The following APC variants were observed in gnomAD, a reference collection of about 807,000 sequenced individuals.
The protein encoded by APC is adenomatous polyposis coli protein.
APC carries 72 observed loss-of-function variants against 247.0 expected under a neutral mutation model. The ratio of observed to expected loss-of-function variants is 0.29; its 90% CI spans 0.24 to 0.35. APC has a LOEUF of 0.35. Among genes scored for constraint, APC ranks in the 10% least tolerant of loss-of-function variants. APC has a pLI of 1.00. For synonymous variants in APC, 1,254 were observed against 1,162.5 expected, an observed-to-expected ratio of 1.08 and a Z score of -1.60; for missense variants, 3,400 against 3,360.7, an observed-to-expected ratio of 1.01 and a Z score of -0.29.
At chr5:112,717,896 C>CTTTTTTTTTTTTTT (rs1751260001) in intron 1 of APC, among the ~76,000 whole-genome samples, 1 of 18,530 alleles carries the variant, frequency 5.4e-5, no homozygotes, top group African/African-American at 1.5e-4. Flanking sequence ...TTTTCTTTTT[C>CTTTTTTTTTTTTTT]TTTTTCTTTT....
Position 112,767,193 on chromosome 5 carries a change from T to C in APC, c.225T>C (p.Leu75=), listed in dbSNP as rs1756428442. Residue 75 remains leucine (L), a synonymous_variant, in exon 4 of 16, where the codon CTT becomes CTC. Coordinates refer to ENST00000257430, the MANE Select transcript of APC (RefSeq NM_000038.6). ...ACTTGTTTCTATTTTATTTAGAGCTTAACTTAGATAGCAGTAATTTCCCTG... is the reference window on the plus strand; with the variant it reads ...ACTTGTTTCTATTTTATTTAGAGCTCAACTTAGATAGCAGTAATTTCCCTG... The part of the protein sequence containing the change: ...QIDLLERLKE[L]NLDSSNFPGV... 1 of 1,613,356 alleles carries C rather than the reference T, an allele frequency of 6.2e-7. No homozygotes were observed.
chr5:112,832,458 C>G lies in APC; in HGVS notation c.1744-2493C>G, dbSNP rs34950096. Among the ~76,000 whole-genome samples the G allele has an allele frequency of 5.8e-3, 882 of 152,296 alleles. 6 individuals are homozygous for G. Among genetic ancestry groups the G allele is most frequent in the Middle Eastern group, 0.01 (3 of 294 alleles). The stretch of plus-strand genomic sequence containing the variant: ...GTGACAAATTATGTCTAAACCTGCT[C>G]CTAGATTGTTTTGTTCACTTAATTT... On this transcript the variant is annotated intron_variant, in intron 14 of 15. Transcript: ENST00000257430.
upstream of APC, among the ~76,000 whole-genome samples, chr5:112,736,926 A>C (rs1283516714): frequency 1.3e-5 from 2 of 152,186 alleles, no homozygotes; most frequent in African/African-American, 4.8e-5. Flanking sequence ...ACAAACAAAG[A>C]AAACTTGAAG....
At chr5:112,819,580 A>G (rs1762910138) in intron 10 of APC, among the ~76,000 whole-genome samples, 1 of 152,202 alleles carries the variant, frequency 6.6e-6, no homozygotes, top group South Asian at 2.1e-4. Context: ...AATTTATACA[A>G]TCATAGCATA....
intron 7 of APC, among the ~76,000 whole-genome samples, chr5:112,793,403 T>G (rs1759860408): frequency 6.6e-6 from 1 of 152,070 alleles, no homozygotes; most frequent in Non-Finnish European, 1.5e-5. Context: ...ATAAGGAATG[T>G]GACTAACCCT....
rs1331549900 is a variant in APC at position 112,838,091 on chromosome 5, A to C, written c.2497A>C (p.Ser833Arg). The C allele has an allele frequency of 8.7e-6, 14 of 1,614,082 alleles. No individual in the cohort carries two copies. Among genetic ancestry groups the C allele is most frequent in the African/African-American group, 1.3e-5 (1 of 74,930 alleles). ...ATATTTGAATACTACAGTGTTACCC[A>C]GCTCCTCTTCATCAAGAGGAAGCTT... The part of the protein sequence containing the change: ...SPYLNTTVLP[S>R]SSSSRGSLDS... The change falls in exon 16 of 16, where the codon AGC becomes CGC. Residue 833 changes from serine to arginine, a missense_variant. By Grantham distance (110) the Ser-to-Arg change is moderately radical. Transcript: ENST00000257430.
chr5:112,767,164 A>G lies in APC; in HGVS notation c.221-25A>G, dbSNP rs1334890942. ...AGACTGCTTAAAGCAATTGTTGTAT[A>G]AAAACTTGTTTCTATTTTATTTAGA... is the stretch of plus-strand genomic sequence containing the variant. On this transcript the variant is annotated intron_variant, in intron 3 of 15. Transcript: ENST00000257430. The G allele has an allele frequency of 3.8e-6, 6 of 1,572,646 alleles. No homozygotes were observed. The South Asian group carries it at 4.4e-5, about 12-fold the overall frequency.
rs863225321 is a variant in APC, at chr5:112,837,552, G to C, written c.1959-1G>C. The C allele has an allele frequency of 6.2e-7, 1 of 1,610,742 alleles. No individual in the cohort carries two copies. Among genetic ancestry groups the C allele is most frequent in the Non-Finnish European group, 8.5e-7 (1 of 1,177,298 alleles). ...TTTGTGATCTCTTGATTTTATTTCA[G>C]GCAAATCCTAAGAGAGAACAACTGT... On this transcript the variant is annotated splice_acceptor_variant, in intron 15 of 15. Coordinates refer to ENST00000257430, the MANE Select transcript of APC (RefSeq NM_000038.6). LOFTEE classifies it high-confidence loss of function.
chr5:112,751,002 A>G (rs1397459505), intron 1 of APC, among the ~76,000 whole-genome samples: 1 of 152,092 alleles, frequency 6.6e-6, no homozygotes, highest in Non-Finnish European at 1.5e-5. Flanking sequence ...CTTTAATCAT[A>G]TACTGAATTT....
rs369365383 is a variant in APC, at chr5:112,843,029, G to C, written c.7435G>C (p.Ala2479Pro). 3 of 1,613,796 alleles carry C rather than the reference G, an allele frequency of 1.9e-6. No individual in the cohort carries two copies. The highest frequency in any genetic ancestry group is 2.5e-6 in the Non-Finnish European group (3 of 1,179,764). Residue 2479 changes from alanine to proline, a missense_variant, in exon 16 of 16, where the codon GCA becomes CCA. Coordinates refer to ENST00000257430, the MANE Select transcript of APC (RefSeq NM_000038.6). This position sits in a 1 kb window ranked among gnomAD's most constrained non-coding sequence, Gnocchi z 4.8. ...ACCAGCTTCTCCCACTAGGTCCCAG[G>C]CACAAACTCCAGTTTTAAGTCCTTC... ...SRPASPTRSQ[A>P]QTPVLSPSLP... is the part of the protein sequence containing the mutation.
At chr5:112,768,831 C>T (rs1372396237) in intron 4 of APC, among the ~76,000 whole-genome samples, 3 of 151,360 alleles carry the variant, frequency 2.0e-5, no homozygotes, top group Admixed American at 6.6e-5. Context: ...GCGTAGAACA[C>T]AGTCCTGTAC....
At chr5:112,708,462 A>AT (rs1750661888) in intron 1 of APC, among the ~76,000 whole-genome samples, 1 of 152,020 alleles carries the variant, frequency 6.6e-6, no homozygotes, top group Non-Finnish European at 1.5e-5. Context: ...TAAATCATTC[A>AT]TTTTTTTCGG....
chr5:112,789,778 A>G (rs1223097466), intron 6 of APC, among the ~76,000 whole-genome samples: 1 of 152,202 alleles, frequency 6.6e-6, no homozygotes, highest in East Asian at 1.9e-4. Flanking sequence ...TCTTTAGAAA[A>G]CTAGCAAAAG....
At chr5:112,817,511 G>C (rs909985402) in intron 9 of APC, among the ~76,000 whole-genome samples, 1 of 152,016 alleles carries the variant, frequency 6.6e-6, no homozygotes, top group Non-Finnish European at 1.5e-5. Flanking sequence ...CTCTAAATGA[G>C]AAAACTGAAG....
intron 11 of APC, among the ~76,000 whole-genome samples, chr5:112,826,737 C>CTAA (rs944685554): frequency 3.3e-5 from 5 of 151,340 alleles, no homozygotes; most frequent in South Asian, 4.2e-4. Flanking sequence ...TTATAAAGCC[C>CTAA]TAATAATAAT....
intron 9 of APC, among the ~76,000 whole-genome samples, chr5:112,817,950 G>A (rs1378178521): frequency 6.6e-6 from 1 of 152,190 alleles, no homozygotes; most frequent in Non-Finnish European, 1.5e-5. Flanking sequence ...ATCTAAAGGT[G>A]TATGTGTATT....
intron 4 of APC, among the ~76,000 whole-genome samples, chr5:112,773,293 T>G (rs1441387262): frequency 6.6e-6 from 1 of 152,174 alleles, no homozygotes; most frequent in Admixed American, 6.5e-5. Flanking sequence ...CAAGCAGAAC[T>G]TTTAAAGTAA....
chr5:112,753,057 C>G (rs552381241), intron 1 of APC, among the ~76,000 whole-genome samples: 36 of 152,070 alleles, frequency 2.4e-4, no homozygotes, highest in African/African-American at 7.0e-4. Context: ...TACCTTTTCT[C>G]TTATTTTGTT....
Position 112,796,148 on chromosome 5 carries a change from G to A in APC, c.729+3619G>A, listed in dbSNP as rs79688003. ...TGGACAACAGGAAGTTGTAAAGGAAGGTGATTATAGTATACCATCTGCCAG... is the reference window on the plus strand; with the variant it reads ...TGGACAACAGGAAGTTGTAAAGGAAAGTGATTATAGTATACCATCTGCCAG... On this transcript the variant is annotated intron_variant, in intron 7 of 15. Coordinates refer to ENST00000257430, the MANE Select transcript of APC (RefSeq NM_000038.6). 6.6e-6 allele frequency among the ~76,000 whole-genome samples: 1 copy of A among 152,166 alleles called. No individual in the cohort carries two copies. Among genetic ancestry groups the A allele is most frequent in the East Asian group, 1.9e-4 (1 of 5,200 alleles).
Sources: allele counts gnomAD v4.1 joint callset (sites outside exome capture counted in the v4.1 genomes callset), GRCh38; gene constraint gnomAD v4.1.1; non-coding constraint Gnocchi (gnomAD v3.1); transcripts MANE v1.5; gene names NCBI Gene and HGNC (gene_info 2026-07-23, HGNC 2026-07-21).